Variants in RSRC1 observed in about 807,000 individuals in gnomAD.
The protein encoded by RSRC1 is serine/Arginine-related protein 53.
In RSRC1, 39 loss-of-function variants were observed where a neutral mutation model predicts 49.1. That is an observed-to-expected ratio of 0.79 (90% CI 0.61 to 1.04). The LOEUF (loss-of-function observed/expected upper bound fraction) is 1.04, where lower values mean the gene tolerates loss of function less well. Among genes scored for constraint, RSRC1 ranks in the 50% least tolerant of loss-of-function variants. The pLI, the probability that RSRC1 is intolerant of heterozygous loss-of-function variation, is 0.00. For synonymous variants in RSRC1, 143 were observed against 130.8 expected (o/e 1.09, Z -0.63); for missense variants, 388 against 402.4 (o/e 0.96, Z 0.31).
chr3:158,145,430 T>A (rs1005402633), intron 3 of RSRC1, among the ~76,000 whole-genome samples: 56 of 152,354 alleles, frequency 3.7e-4, no homozygotes, highest in African/African-American at 1.3e-3. Context: ...TTGTCAAAGA[T>A]CAGATAGTTG....
intron 5 of RSRC1, among the ~76,000 whole-genome samples, chr3:158,330,024 C>T (rs1196674545): frequency 6.6e-6 from 1 of 152,226 alleles, no homozygotes; most frequent in African/African-American, 2.4e-5. Context: ...GGCGTTGGAC[C>T]CTCCGAGCCA....
chr3:158,263,139 T>C (rs1206023412), intron 4 of RSRC1, among the ~76,000 whole-genome samples: 1 of 152,136 alleles, frequency 6.6e-6, no homozygotes, highest in Non-Finnish European at 1.5e-5. Flanking sequence ...TCTTTTTCCA[T>C]TATTTTGATG....
chr3:158,500,365 G>T (rs1264875548), intron 7 of RSRC1, among the ~76,000 whole-genome samples: 1 of 152,064 alleles, frequency 6.6e-6, no homozygotes, highest in Non-Finnish European at 1.5e-5. Context: ...TGGTATTAGG[G>T]TGATGCTGGC....
chr3:158,158,210 G>A (rs1371044600), intron 3 of RSRC1, among the ~76,000 whole-genome samples: 1 of 152,110 alleles, frequency 6.6e-6, no homozygotes, highest in Non-Finnish European at 1.5e-5. Context: ...TTCAAACACA[G>A]TTGACTCTTG....
intron 3 of RSRC1, among the ~76,000 whole-genome samples, chr3:158,152,323 T>C (rs925164390): frequency 2.6e-5 from 4 of 152,130 alleles, no homozygotes; most frequent in African/African-American, 9.7e-5. Context: ...GGGGACTTTG[T>C]TTTAGCACTG....
chr3:158,320,537 T>A (rs1728701274), intron 5 of RSRC1, among the ~76,000 whole-genome samples: 1 of 152,212 alleles, frequency 6.6e-6, no homozygotes, highest in African/African-American at 2.4e-5. Flanking sequence ...CTTTGGATGC[T>A]AGTGATACCG....
chr3:158,201,507 T>A (rs1223682096), intron 3 of RSRC1, among the ~76,000 whole-genome samples: 2 of 152,166 alleles, frequency 1.3e-5, no homozygotes, highest in South Asian at 4.1e-4. Context: ...CATTTGAATC[T>A]TGTCACACAG....
chr3:158,540,456 G>A (rs77866476), intron 8 of RSRC1, among the ~76,000 whole-genome samples: 5 of 151,966 alleles, frequency 3.3e-5, no homozygotes. Flanking sequence ...TGACTGCCCA[G>A]ATATCTATCC....
chr3:158,207,331 T>G (rs1721396745), intron 4 of RSRC1, among the ~76,000 whole-genome samples: 1 of 152,156 alleles, frequency 6.6e-6, no homozygotes, highest in African/African-American at 2.4e-5. Flanking sequence ...TCCCTCTCTC[T>G]TCGTTCTTAC....
intron 6 of RSRC1, among the ~76,000 whole-genome samples, chr3:158,383,320 A>G (rs1732802733): frequency 6.6e-6 from 1 of 152,160 alleles, no homozygotes; most frequent in African/African-American, 2.4e-5. Flanking sequence ...TATGGAACCC[A>G]TGGATATGAA....
At chr3:158,295,634 G>T (rs953997078) in intron 4 of RSRC1, among the ~76,000 whole-genome samples, 1 of 152,058 alleles carries the variant, frequency 6.6e-6, no homozygotes, top group Non-Finnish European at 1.5e-5. Context: ...GGGCCCTATG[G>T]TTGATTACAT....
intron 6 of RSRC1, among the ~76,000 whole-genome samples, chr3:158,383,214 G>T (rs1003587290): frequency 6.6e-6 from 1 of 152,116 alleles, no homozygotes. Flanking sequence ...ATGCTTTAAT[G>T]TTCATAATTA....
chr3:158,236,541 A>T (rs563435370), intron 4 of RSRC1, among the ~76,000 whole-genome samples: 1 of 152,326 alleles, frequency 6.6e-6, no homozygotes, highest in South Asian at 2.1e-4. Context: ...CTAGAACTTC[A>T]TATAAATGGA....
chr3:158,178,799 C>T lies in RSRC1; in HGVS notation c.321-24273C>T, dbSNP rs532853517. Among the ~76,000 whole-genome samples, 193 of 152,184 alleles carry T rather than the reference C, an allele frequency of 1.3e-3. 2 individuals are homozygous for T. The highest frequency in any genetic ancestry group is 1.4e-3 in the Non-Finnish European group (96 of 67,996). ...GAGAAGGAGTGTCTTTCTGTTTGTTCCAGTTTGCTTCTGTTTGTTTCAGGG... is the reference window on the plus strand; with the variant it reads ...GAGAAGGAGTGTCTTTCTGTTTGTTTCAGTTTGCTTCTGTTTGTTTCAGGG... On this transcript the variant is annotated intron_variant, in intron 3 of 9. Coordinates refer to ENST00000611884, the MANE Select transcript of RSRC1 (RefSeq NM_001271838.2).
At chr3:158,518,144 A>ATTTT (rs1179259389) in intron 7 of RSRC1, among the ~76,000 whole-genome samples, 90 of 70,910 alleles carry the variant, frequency 1.3e-3, no homozygotes, top group African/African-American at 6.3e-3. Flanking sequence ...ATATATATAT[A>ATTTT]TATATTTTTT....
At chr3:158,369,124 A>G (rs115883255) in intron 6 of RSRC1, among the ~76,000 whole-genome samples, 1,726 of 152,234 alleles carry the variant, frequency 0.011, 39 homozygotes, top group African/African-American at 0.04. Context: ...AGCATCTACT[A>G]TGTGGTAAGT....
chr3:158,424,004 C>A (rs1227795345), intron 6 of RSRC1, among the ~76,000 whole-genome samples: 2 of 150,938 alleles, frequency 1.3e-5, no homozygotes, highest in African/African-American at 2.4e-5. Context: ...GATATACAAT[C>A]ATGTCGTCTG....
chr3:158,286,823 G>A lies in RSRC1; in HGVS notation c.495-11216G>A, dbSNP rs117863600. On this transcript the variant is annotated intron_variant, in intron 4 of 9. Coordinates refer to ENST00000611884, the MANE Select transcript of RSRC1 (RefSeq NM_001271838.2). Reference sequence around the variant, plus strand: ...ATTTCTGAGTTATTCAAACTTTGCTGTTTTCAGGAAAGATATACACATGTT... The same window carrying A: ...ATTTCTGAGTTATTCAAACTTTGCTATTTTCAGGAAAGATATACACATGTT... Among the ~76,000 whole-genome samples, 17 of 152,296 alleles carry A rather than the reference G, an allele frequency of 1.1e-4. No homozygotes were observed. In the East Asian group the frequency reaches 2.5e-3, roughly 22 times the overall value.
intron 4 of RSRC1, among the ~76,000 whole-genome samples, chr3:158,238,411 C>T (rs1397484592): frequency 1.3e-5 from 2 of 152,150 alleles, no homozygotes; most frequent in Non-Finnish European, 2.9e-5. Context: ...ATCTCCAAGT[C>T]AATCCTAAGC....
Sources: gnomAD v4.1 joint callset for allele counts (sites outside exome capture counted in the v4.1 genomes callset) on GRCh38, gnomAD v4.1.1 for gene constraint, MANE v1.5 for transcripts, NCBI Gene and HGNC (gene_info 2026-07-23, HGNC 2026-07-21) for gene names.